The following COL21A1 variants were observed in gnomAD, a reference collection of about 807,000 sequenced individuals.
The protein encoded by COL21A1 is collagen type XXI alpha 1 chain, also known as collagen alpha-1(XXI) chain.
In COL21A1, 149 loss-of-function variants were observed where a neutral mutation model predicts 137.9. The ratio of observed to expected loss-of-function variants is 1.08; its 90% CI spans 0.95 to 1.24. The LOEUF (loss-of-function observed/expected upper bound fraction) is 1.24. COL21A1 is among the 50% of genes most tolerant of loss of function. The probability of loss-of-function intolerance (pLI) is 0.00; values close to 1 mark genes in which losing one functional copy is unlikely to be tolerated. For synonymous variants in COL21A1, 456 were observed against 391.5 expected (o/e 1.16, Z -1.95); for missense variants, 1,167 against 1,158.4 (o/e 1.01, Z -0.11).
At chr6:56,217,391 G>A (rs1157575452) in intron 1 of COL21A1, among the ~76,000 whole-genome samples, 1 of 151,966 alleles carries the variant, frequency 6.6e-6, no homozygotes, top group Non-Finnish European at 1.5e-5. Context: ...ACCCTCCACA[G>A]CACTGTCAAC....
chr6:56,274,258 T>A (rs1239092504), intron 1 of COL21A1, among the ~76,000 whole-genome samples: 1 of 152,046 alleles, frequency 6.6e-6, no homozygotes, highest in Non-Finnish European at 1.5e-5. Flanking sequence ...ACAGGCAACA[T>A]CATACAGAAT....
intron 1 of COL21A1, among the ~76,000 whole-genome samples, chr6:56,347,780 T>C (rs2206533): frequency 0.35 from 52,871 of 151,978 alleles, 9,370 homozygotes; most frequent in South Asian, 0.44. Flanking sequence ...TTACTAAAGA[T>C]TCAAGAATGT....
At chr6:56,177,639 G>C (rs1476924249) in intron 3 of COL21A1, among the ~76,000 whole-genome samples, 1 of 151,570 alleles carries the variant, frequency 6.6e-6, no homozygotes, top group African/African-American at 2.4e-5. Context: ...CTAAAAAATA[G>C]AAAAAATTAG....
rs191646580 is a variant in COL21A1 at position 56,325,604 on chromosome 6, T to A, written c.-39+68367A>T. 4.7e-4 allele frequency among the ~76,000 whole-genome samples: 7 copies of A among 14,804 alleles called. 1 individual carries two copies. Among genetic ancestry groups the A allele is most frequent in the African/African-American group, 1.1e-3 (2 of 1,844 alleles). 9.7% of individuals were successfully genotyped at this position (14,804 alleles called of 152,430 possible). ...ATATATCTATAATATATATAATATA[T>A]TATCTATTATATATAATAATCTATT... On this transcript the variant is annotated intron_variant, in intron 1 of 28. Coordinates refer to the COL21A1 transcript ENST00000370819.
chr6:56,370,862 G>A (rs533271514), intron 1 of COL21A1, among the ~76,000 whole-genome samples: 1 of 152,290 alleles, frequency 6.6e-6, no homozygotes, highest in African/African-American at 2.4e-5. Context: ...AATTACATCA[G>A]TTCCTTCCAT....
At chr6:56,104,397 T>A (rs1336324428) in intron 16 of COL21A1, among the ~76,000 whole-genome samples, 4 of 152,300 alleles carry the variant, frequency 2.6e-5, no homozygotes, top group African/African-American at 9.6e-5. Context: ...AAGAACACTC[T>A]CTTCATTTTT....
chr6:56,132,730 TG>T (rs1186043622), intron 12 of COL21A1, among the ~76,000 whole-genome samples: 11 of 152,180 alleles, frequency 7.2e-5, no homozygotes, highest in Non-Finnish European at 1.3e-4. Flanking sequence ...CCACTTGTCA[TG>T]GGAGGAACCC....
chr6:56,199,356 G>T (rs190387713), intron 1 of COL21A1, among the ~76,000 whole-genome samples: 4 of 151,790 alleles, frequency 2.6e-5, no homozygotes, highest in African/African-American at 9.7e-5. Flanking sequence ...AGAAAAAGAA[G>T]AAATTATTTT....
At chr6:56,105,725 T>C (rs1562203245) in intron 16 of COL21A1, among the ~76,000 whole-genome samples, 3 of 152,196 alleles carry the variant, frequency 2.0e-5, no homozygotes. Context: ...TTTTTTCCAC[T>C]TACAACTGAT....
intron 1 of COL21A1, among the ~76,000 whole-genome samples, chr6:56,288,742 A>G (rs1430255827): frequency 3.3e-5 from 5 of 152,228 alleles, no homozygotes; most frequent in African/African-American, 9.6e-5. Context: ...ATTAGCTGCC[A>G]TTCACGGTTC....
intron 1 of COL21A1, among the ~76,000 whole-genome samples, chr6:56,217,354 C>T (rs1057456462): frequency 6.6e-6 from 1 of 152,024 alleles, no homozygotes; most frequent in Non-Finnish European, 1.5e-5. Context: ...CCTGTCTGAA[C>T]AGAACTCCAT....
chr6:56,310,271 C>T (rs1240754966), intron 1 of COL21A1, among the ~76,000 whole-genome samples: 3 of 152,134 alleles, frequency 2.0e-5, no homozygotes, highest in Non-Finnish European at 4.4e-5. Context: ...GACCTGGGTG[C>T]CTATCTTTTT....
At chr6:56,078,588 A>C (rs1767446310) in intron 17 of COL21A1, among the ~76,000 whole-genome samples, 1 of 151,678 alleles carries the variant, frequency 6.6e-6, no homozygotes, top group African/African-American at 2.4e-5. Context: ...CTTCTATTGC[A>C]GGGAGAATCT....
intron 12 of COL21A1, among the ~76,000 whole-genome samples, chr6:56,130,599 A>T (rs1384445376): frequency 1.3e-5 from 2 of 152,146 alleles, no homozygotes; most frequent in African/African-American, 4.8e-5. Context: ...TTTATTGGAG[A>T]TGGCAAACAG....
intron 1 of COL21A1, among the ~76,000 whole-genome samples, chr6:56,281,712 C>T (rs1166970761): frequency 6.6e-6 from 1 of 152,114 alleles, no homozygotes; most frequent in South Asian, 2.1e-4. Context: ...GAGTGGTTGC[C>T]TCTAGATCTC....
intron 1 of COL21A1, among the ~76,000 whole-genome samples, chr6:56,305,678 C>T (rs1764428523): frequency 6.6e-6 from 1 of 152,164 alleles, no homozygotes; most frequent in African/African-American, 2.4e-5. Context: ...TGGGTCTTGA[C>T]TCTTGATCCA....
chr6:56,070,107 A>G (rs1766614225), intron 21 of COL21A1, among the ~76,000 whole-genome samples: 2 of 151,574 alleles, frequency 1.3e-5, no homozygotes, highest in Admixed American at 1.3e-4. Context: ...TATATTTGTA[A>G]GAGATGCAAC....
chr6:56,318,940 A>G (rs1463224705), intron 1 of COL21A1, among the ~76,000 whole-genome samples: 1 of 151,760 alleles, frequency 6.6e-6, no homozygotes, highest in Non-Finnish European at 1.5e-5. Flanking sequence ...ACACACACAC[A>G]CACACACTCT....
Position 56,061,659 on chromosome 6 carries a change from G to T in COL21A1, c.2195C>A (p.Ala732Glu). The change falls in exon 25 of 30, where the codon GCA becomes GAA. Residue 732 changes from alanine to glutamate, a missense_variant. By Grantham distance (107) the Ala-to-Glu change is moderately radical. Coordinates refer to ENST00000244728, the MANE Select transcript of COL21A1 (RefSeq NM_030820.4). ...GQQGIQGHHG[A>E]KGERGEKGEP... ...TATGAAGAAACATACCTCTCCTTTTGCACCATGATGGCCTTGAATTCCCTT... is the reference window on the plus strand; with the variant it reads ...TATGAAGAAACATACCTCTCCTTTTTCACCATGATGGCCTTGAATTCCCTT... The T allele has an allele frequency of 6.3e-7, 1 of 1,588,128 alleles. No individual in the cohort carries two copies. Among genetic ancestry groups the T allele is most frequent in the South Asian group, 1.1e-5 (1 of 88,226 alleles).
Sources: gnomAD v4.1 joint callset for allele counts (sites outside exome capture counted in the v4.1 genomes callset) on GRCh38, gnomAD v4.1.1 for gene constraint, MANE v1.5 for transcripts, NCBI Gene and HGNC (gene_info 2026-07-23, HGNC 2026-07-21) for gene names.